MEGF11: variants seen among roughly 807,000 people sequenced by gnomAD.
MEGF11 encodes multiple epidermal growth factor-like domains protein 11.
Under a neutral mutation model 146.6 loss-of-function variants are expected in MEGF11, and 126 were observed. The ratio of observed to expected loss-of-function variants is 0.86; its 90% CI spans 0.74 to 1.00. The LOEUF is 1.00. Among genes scored for constraint, MEGF11 ranks in the 50% least tolerant of loss-of-function variants. MEGF11 has a pLI of 0.00. For missense variants in MEGF11, 1,509 were observed against 1,521.2 expected (o/e 0.99, Z 0.13); for synonymous variants, 532 against 583.4 (o/e 0.91, Z 1.27).
At chr15:65,942,027 C>T (rs1338714169) in intron 10 of MEGF11, among the ~76,000 whole-genome samples, 1 of 152,122 alleles carries the variant, frequency 6.6e-6, no homozygotes, top group African/African-American at 2.4e-5. Flanking sequence ...CTATAACAGC[C>T]CTGCAGGGAG....
At chr15:65,951,541 G>C (rs926643301) in intron 10 of MEGF11, among the ~76,000 whole-genome samples, 1 of 152,002 alleles carries the variant, frequency 6.6e-6, no homozygotes, top group African/African-American at 2.4e-5. Flanking sequence ...ACAAAAATTA[G>C]CTGGATGTGT....
chr15:66,045,948 C>T (rs542969362), intron 5 of MEGF11, among the ~76,000 whole-genome samples: 11 of 152,134 alleles, frequency 7.2e-5, no homozygotes, highest in African/African-American at 2.6e-4. Flanking sequence ...ACTAAAAATA[C>T]AAAAATTAGC....
intron 1 of MEGF11, among the ~76,000 whole-genome samples, chr15:66,166,453 G>A (rs868573510): frequency 6.6e-6 from 1 of 152,130 alleles, no homozygotes; most frequent in Admixed American, 6.5e-5. Flanking sequence ...CTACTCAGCA[G>A]CCAGGGAGAG....
chr15:66,140,696 T>C (rs1218819301), intron 1 of MEGF11, among the ~76,000 whole-genome samples: 3 of 152,182 alleles, frequency 2.0e-5, no homozygotes, highest in Non-Finnish European at 4.4e-5. Context: ...CAGGTATGTT[T>C]GGCTGTGCGA....
intron 13 of MEGF11, among the ~76,000 whole-genome samples, chr15:65,924,256 C>G (rs2079281616): frequency 6.7e-6 from 1 of 149,950 alleles, no homozygotes; most frequent in Non-Finnish European, 1.5e-5. Context: ...CCTCCTGTTC[C>G]TCAGTCTAGC....
intron 21 of MEGF11, among the ~76,000 whole-genome samples, 156 bp downstream of exon 21, chr15:65,911,926 C>T (rs558564995): frequency 5.3e-5 from 8 of 152,282 alleles, no homozygotes; most frequent in South Asian, 2.1e-4. Flanking sequence ...AGAGTGTTTA[C>T]GTGTACCACG....
intron 23 of MEGF11, chr15:65,906,566 A>G (rs2078635264): frequency 6.3e-6 from 1 of 159,946 alleles, no homozygotes; most frequent in Non-Finnish European, 1.4e-5. Context: ...AAGTTGTATG[A>G]CATTACAAAT....
At chr15:65,980,571 G>A (rs2081601881) in intron 7 of MEGF11, among the ~76,000 whole-genome samples, 1 of 151,980 alleles carries the variant, frequency 6.6e-6, no homozygotes, top group African/African-American at 2.4e-5. Context: ...GCTAATTTTT[G>A]TATTTTTAGT....
At chr15:66,105,324 G>A (rs1280614236) in intron 4 of MEGF11, among the ~76,000 whole-genome samples, 1 of 152,162 alleles carries the variant, frequency 6.6e-6, no homozygotes, top group Non-Finnish European at 1.5e-5. Context: ...GGGAGAAGGA[G>A]GCCCTGCCTG....
chr15:66,017,094 G>A (rs755748820), intron 5 of MEGF11, among the ~76,000 whole-genome samples: 7 of 152,300 alleles, frequency 4.6e-5, no homozygotes, highest in South Asian at 2.1e-4. Flanking sequence ...AGCACAGCCC[G>A]GGTGAGTGCG....
At chr15:65,958,366 G>C (rs879786483) in intron 9 of MEGF11, among the ~76,000 whole-genome samples, 1 of 152,230 alleles carries the variant, frequency 6.6e-6, no homozygotes, top group Non-Finnish European at 1.5e-5. Context: ...AGAGGCAGGG[G>C]ATCCCTGGCA....
chr15:66,080,494 T>A (rs1216540235), intron 5 of MEGF11, among the ~76,000 whole-genome samples: 1 of 152,128 alleles, frequency 6.6e-6, no homozygotes, highest in Admixed American at 6.5e-5. Flanking sequence ...TCTGTGCTGG[T>A]GGTTCTGGCT....
intron 5 of MEGF11, among the ~76,000 whole-genome samples, chr15:66,058,901 C>T (rs913964014): frequency 3.9e-5 from 6 of 152,100 alleles, no homozygotes; most frequent in Non-Finnish European, 7.4e-5. Context: ...TTCCCCAAGC[C>T]CTGTAGTGCC....
At chr15:66,197,248 T>G (rs2091030566) in intron 1 of MEGF11, among the ~76,000 whole-genome samples, 1 of 152,184 alleles carries the variant, frequency 6.6e-6, no homozygotes, top group African/African-American at 2.4e-5. Context: ...TTGAAATTAT[T>G]AGTAAATCTT....
At position 65,910,560 on chromosome 15, in the gene MEGF11, C is replaced by T. The variant is rs892116308; in HGVS notation, c.2830-754G>A. Among the ~76,000 whole-genome samples, 3 of 152,126 alleles carry T rather than the reference C, an allele frequency of 2.0e-5. No homozygotes were observed. In the East Asian group the frequency reaches 5.8e-4, roughly 29 times the overall value. On this transcript the variant is annotated intron_variant, in intron 21 of 25. Coordinates refer to ENST00000395614, the MANE Select transcript of MEGF11 (RefSeq NM_001385028.1). ...TTAACCACAGAGAGCCACTCTGGGCCCCTGGGCTGAGGTGACCCAGAGGGT... is the reference window on the plus strand; with the variant it reads ...TTAACCACAGAGAGCCACTCTGGGCTCCTGGGCTGAGGTGACCCAGAGGGT...
At chr15:66,067,252 G>C (rs925954279) in intron 5 of MEGF11, among the ~76,000 whole-genome samples, 1 of 152,196 alleles carries the variant, frequency 6.6e-6, no homozygotes, top group Non-Finnish European at 1.5e-5. Flanking sequence ...CCTAATGTTT[G>C]ACTAAATCCC....
chr15:66,203,192 G>C (rs1302425243), intron 1 of MEGF11, among the ~76,000 whole-genome samples: 1 of 152,278 alleles, frequency 6.6e-6, no homozygotes, highest in African/African-American at 2.4e-5. Context: ...TGCGCACTCA[G>C]CCACCCCCAA....
At chr15:66,210,626 G>C (rs764961581) in intron 1 of MEGF11, among the ~76,000 whole-genome samples, 4 of 152,160 alleles carry the variant, frequency 2.6e-5, no homozygotes, top group Non-Finnish European at 5.9e-5. Context: ...TGCACTCAAA[G>C]GAAAATCGAC....
intron 1 of MEGF11, among the ~76,000 whole-genome samples, chr15:66,187,470 T>C (rs1328091118): frequency 9.2e-5 from 14 of 152,172 alleles, no homozygotes. Flanking sequence ...TCGACAACCC[T>C]GAGACTGGCC....
Sources: allele counts gnomAD v4.1 joint callset (sites outside exome capture counted in the v4.1 genomes callset), GRCh38; gene constraint gnomAD v4.1.1; transcripts MANE v1.5; gene names NCBI Gene and HGNC (gene_info 2026-07-23, HGNC 2026-07-21).